Variants in RIMBP2 observed in about 807,000 individuals in gnomAD.
The protein encoded by RIMBP2 is RIMS binding protein 2, also known as RIMS-binding protein 2.
A neutral mutation model predicts 118.6 loss-of-function variants in RIMBP2; 48 were observed. The ratio of observed to expected loss-of-function variants is 0.40; its 90% CI spans 0.32 to 0.51. RIMBP2 has a LOEUF of 0.51. RIMBP2 is among the 20% of genes least tolerant of loss of function. The pLI is 0.41. For synonymous variants in RIMBP2, 762 were observed against 742.9 expected, an observed-to-expected ratio of 1.03 and a Z score of -0.42; for missense variants, 1,551 against 1,768.3, an observed-to-expected ratio of 0.88 and a Z score of 2.20.
At chr12:130,589,045 G>A (rs992364692) in intron 2 of RIMBP2, among the ~76,000 whole-genome samples, 1 of 152,244 alleles carries the variant, frequency 6.6e-6, no homozygotes, top group African/African-American at 2.4e-5. Flanking sequence ...TGTCCTAAGA[G>A]AAGTCGGAGA....
chr12:130,573,063 C>A (rs2057806435), intron 2 of RIMBP2, among the ~76,000 whole-genome samples: 2 of 152,070 alleles, frequency 1.3e-5, no homozygotes, highest in African/African-American at 4.8e-5. Context: ...CAGCGCCTGC[C>A]CCAAAACGTG....
At chr12:130,571,465 G>T (rs2057654953) in intron 2 of RIMBP2, among the ~76,000 whole-genome samples, 1 of 147,332 alleles carries the variant, frequency 6.8e-6, no homozygotes, top group African/African-American at 2.5e-5. Flanking sequence ...TTTTGCCCAG[G>T]CTGGAGTGCA....
intron 1 of RIMBP2, among the ~76,000 whole-genome samples, chr12:130,712,965 G>A (rs1442254721): frequency 1.3e-5 from 2 of 151,644 alleles, no homozygotes; most frequent in Non-Finnish European, 2.9e-5. Flanking sequence ...TTTCTTCAAG[G>A]AAAGATGGAT....
Position 130,688,419 on chromosome 12 carries a change from G to C in RIMBP2, c.-352+27803C>G, listed in dbSNP as rs1182123410. On this transcript the variant is annotated intron_variant, in intron 1 of 22. Transcript: ENST00000690449. The surrounding 1 kb of genome is among the most constrained non-coding windows in gnomAD (Gnocchi z 4.7). ...GGGCCATTGGATAACACATACGTTT[G>C]CTTAGGTATCAGATCTAATGAAAGA... Among the ~76,000 whole-genome samples, 1 of 152,178 alleles carries C rather than the reference G, an allele frequency of 6.6e-6. No individual in the cohort carries two copies. Among genetic ancestry groups the C allele is most frequent in the Non-Finnish European group, 1.5e-5 (1 of 68,050 alleles).
intron 21 of RIMBP2, among the ~76,000 whole-genome samples, chr12:130,404,491 G>A (rs1390975733): frequency 6.6e-6 from 1 of 152,166 alleles, no homozygotes; most frequent in African/African-American, 2.4e-5. Context: ...GTAGAAACGG[G>A]GTTTCACCAT....
rs1280623329 is a variant in RIMBP2 at position 130,710,791 on chromosome 12, T to C, written c.-352+5431A>G. Among the ~76,000 whole-genome samples the C allele has an allele frequency of 6.6e-6, 1 of 152,084 alleles. No homozygotes were observed. Among genetic ancestry groups the C allele is most frequent in the Non-Finnish European group, 1.5e-5 (1 of 68,004 alleles). On this transcript the variant is annotated intron_variant, in intron 1 of 22. Transcript: ENST00000690449. The surrounding 1 kb of genome is among the most constrained non-coding windows in gnomAD (Gnocchi z 4.3). ...TGACAGACCACAAAACACCAACAAA[T>C]GAGAATATCCCAAATGGACGTCTTC...
intron 4 of RIMBP2, among the ~76,000 whole-genome samples, chr12:130,485,895 C>G (rs1336156171): frequency 1.3e-5 from 2 of 152,140 alleles, no homozygotes; most frequent in Non-Finnish European, 2.9e-5. Context: ...GTTAATGAAC[C>G]AAGTCCGTAC....
chr12:130,640,087 C>T lies in RIMBP2; in HGVS notation c.-351-11631G>A, dbSNP rs532919688. Among the ~76,000 whole-genome samples, 61 of 152,250 alleles carry T rather than the reference C, an allele frequency of 4.0e-4. No homozygotes were observed. In the South Asian group the frequency reaches 0.012, roughly 29 times the overall value. ...CAGGTCATGCCTGTACACTCCGCCC[C>T]AGAACAATGGGCATCTCACGATGTT... On this transcript the variant is annotated intron_variant, in intron 1 of 22. Coordinates refer to ENST00000690449, the MANE Select transcript of RIMBP2 (RefSeq NM_001393629.1).
intron 13 of RIMBP2, among the ~76,000 whole-genome samples, chr12:130,436,162 G>A (rs758167564): frequency 1.4e-4 from 22 of 152,198 alleles, no homozygotes; most frequent in Non-Finnish European, 2.8e-4. Context: ...AGCCCTGCAC[G>A]GGGGGCATTG....
intron 2 of RIMBP2, among the ~76,000 whole-genome samples, chr12:130,611,695 C>A (rs147500532): frequency 6.6e-6 from 1 of 152,128 alleles, no homozygotes; most frequent in African/African-American, 2.4e-5. Context: ...TGTCCCGCCC[C>A]GGCACACACA....
intron 4 of RIMBP2, among the ~76,000 whole-genome samples, chr12:130,481,878 G>A (rs922397657): frequency 3.6e-4 from 54 of 152,092 alleles, no homozygotes; most frequent in Admixed American, 1.8e-3. Context: ...TTTGGGCCTC[G>A]CCATTTCTAA....
At chr12:130,612,413 T>C (rs1280746895) in intron 2 of RIMBP2, among the ~76,000 whole-genome samples, 4 of 152,130 alleles carry the variant, frequency 2.6e-5, no homozygotes, top group Non-Finnish European at 5.9e-5. Context: ...AAGGTCACCA[T>C]GCGTGAGCTG....
At chr12:130,635,118 G>A (rs2062272014) in intron 1 of RIMBP2, among the ~76,000 whole-genome samples, 1 of 152,200 alleles carries the variant, frequency 6.6e-6, no homozygotes, top group African/African-American at 2.4e-5. Flanking sequence ...TTTCTTGAGA[G>A]TTAAGGACAT....
chr12:130,680,872 G>A (rs954836858), intron 1 of RIMBP2, among the ~76,000 whole-genome samples: 1 of 152,236 alleles, frequency 6.6e-6, no homozygotes, highest in African/African-American at 2.4e-5. Context: ...TTCATTTCGT[G>A]CTGTAGGGAT....
chr12:130,408,830 A>G (rs953580896), intron 19 of RIMBP2, among the ~76,000 whole-genome samples: 1 of 152,254 alleles, frequency 6.6e-6, no homozygotes, highest in African/African-American at 2.4e-5. Context: ...CTCAACGGCA[A>G]CTAAAGTCAG....
chr12:130,630,493 T>G (rs2061928445), intron 1 of RIMBP2, among the ~76,000 whole-genome samples: 1 of 152,136 alleles, frequency 6.6e-6, no homozygotes, highest in African/African-American at 2.4e-5. Context: ...TTACTTCTAT[T>G]TTGTTAGAGT....
At chr12:130,690,291 T>A (rs955513760) in intron 1 of RIMBP2, among the ~76,000 whole-genome samples, 2 of 152,076 alleles carry the variant, frequency 1.3e-5, no homozygotes, top group African/African-American at 4.8e-5. Flanking sequence ...CATCGTCCCA[T>A]CCACAGGCTC....
chr12:130,529,608 T>C (rs1202979365), intron 2 of RIMBP2, among the ~76,000 whole-genome samples: 2 of 152,110 alleles, frequency 1.3e-5, no homozygotes, highest in Admixed American at 1.3e-4. Context: ...AATGGTTAAT[T>C]TTATGTTATG....
At position 130,442,067 on chromosome 12, in the gene RIMBP2, G is replaced by T; in HGVS notation, c.1285C>A (p.Leu429Ile). Residue 429 changes from leucine (L) to isoleucine (I), a missense_variant, in exon 11 of 23, where the codon CTA becomes ATA. Physicochemically the swap from Leu to Ile is conservative, Grantham distance 5. Coordinates refer to ENST00000690449, the MANE Select transcript of RIMBP2 (RefSeq NM_001393629.1). The surrounding 1 kb of genome is among the most constrained non-coding windows in gnomAD (Gnocchi z 6.9). ...TGGCTGTAGTTGCTGTTGGTGGGTA[G>T]CCAGGAGAGCTGGGCGGAGATCTGC... ...ITQISAQLSW[L>I]PTNSNYSHVI... is the part of the protein sequence containing the mutation. The T allele has an allele frequency of 6.2e-7, 1 of 1,614,194 alleles. No homozygotes were observed. The highest frequency in any genetic ancestry group is 1.1e-5 in the South Asian group (1 of 91,082).
Sources: allele counts gnomAD v4.1 joint callset (sites outside exome capture counted in the v4.1 genomes callset), GRCh38; gene constraint gnomAD v4.1.1; non-coding constraint Gnocchi (gnomAD v3.1); transcripts MANE v1.5; gene names NCBI Gene and HGNC (gene_info 2026-07-23, HGNC 2026-07-21).